IFNG-AS1: variants seen among roughly 807,000 people sequenced by gnomAD.
The protein encoded by IFNG-AS1 is IFNG antisense RNA 1 (non-protein coding).
At chr12:68,004,308 C>A (rs1879857474) in intron 2 of IFNG-AS1, among the ~76,000 whole-genome samples, 1 of 152,138 alleles carries the variant, frequency 6.6e-6, no homozygotes, top group Non-Finnish European at 1.5e-5. Flanking sequence ...GATGCATTTA[C>A]TTTTGCATCT....
At chr12:68,014,678 A>G (rs1447106296) in intron 3 of IFNG-AS1, among the ~76,000 whole-genome samples, 1 of 152,100 alleles carries the variant, frequency 6.6e-6, no homozygotes, top group Non-Finnish European at 1.5e-5. Flanking sequence ...TTGGACTTGA[A>G]CTGCGTCTCT....
chr12:68,018,528 C>T (rs1298610120), intron 3 of IFNG-AS1, among the ~76,000 whole-genome samples: 1 of 152,088 alleles, frequency 6.6e-6, no homozygotes, highest in Non-Finnish European at 1.5e-5. Context: ...GGCATAACAC[C>T]TTTCTTATCT....
intron 3 of IFNG-AS1, among the ~76,000 whole-genome samples, chr12:68,012,961 G>A (rs1880067597): frequency 6.6e-6 from 1 of 152,218 alleles, no homozygotes; most frequent in Non-Finnish European, 1.5e-5. Context: ...TGGCAAAAGA[G>A]AGAGGTTAAA....
At chr12:68,014,474 T>C (rs971589111) in intron 3 of IFNG-AS1, among the ~76,000 whole-genome samples, 2 of 152,200 alleles carry the variant, frequency 1.3e-5, no homozygotes, top group Non-Finnish European at 2.9e-5. Context: ...TTTTTTATTA[T>C]TATGGCTATT....
intron 1 of IFNG-AS1, among the ~76,000 whole-genome samples, chr12:67,990,032 A>G (rs892368120): frequency 6.6e-6 from 1 of 152,190 alleles, no homozygotes; most frequent in African/African-American, 2.4e-5. Context: ...ATGAATTCAG[A>G]GAAGTTGTTC....
intron 2 of IFNG-AS1, among the ~76,000 whole-genome samples, chr12:68,002,479 C>A (rs528238598): frequency 1.3e-5 from 2 of 152,190 alleles, no homozygotes; most frequent in Admixed American, 6.5e-5. Context: ...CACGTAAGCC[C>A]CTTACCCTTT....
At chr12:68,013,642 T>A (rs934406051) in intron 3 of IFNG-AS1, 5 of 151,896 alleles carry the variant, frequency 3.3e-5, no homozygotes, top group African/African-American at 1.2e-4. Context: ...TGTAAAGGAG[T>A]TTTTGGGTAA....
chr12:68,019,829 A>G (rs1017354182), intron 3 of IFNG-AS1: 1 of 152,198 alleles, frequency 6.6e-6, no homozygotes, highest in African/African-American at 2.4e-5. Context: ...CACTATCTCA[A>G]TATTTCTAAA....
chr12:68,003,662 C>A (rs1879834564), intron 2 of IFNG-AS1, among the ~76,000 whole-genome samples: 1 of 152,164 alleles, frequency 6.6e-6, no homozygotes, highest in Admixed American at 6.5e-5. Flanking sequence ...CGCCTGTAAT[C>A]CCAGCACTTT....
intron 3 of IFNG-AS1, among the ~76,000 whole-genome samples, chr12:68,014,645 C>T (rs891753068): frequency 1.3e-5 from 2 of 152,116 alleles, no homozygotes; most frequent in Non-Finnish European, 2.9e-5. Flanking sequence ...ATTAGCTCTT[C>T]CTGGTTTGCC....
At chr12:67,989,855 C>T (rs1326519614) in intron 1 of IFNG-AS1, among the ~76,000 whole-genome samples, 1 of 152,140 alleles carries the variant, frequency 6.6e-6, no homozygotes, top group Non-Finnish European at 1.5e-5. Flanking sequence ...ACAAACCCTT[C>T]CTGAGATCTC....
intron 2 of IFNG-AS1, among the ~76,000 whole-genome samples, chr12:67,997,089 A>G (rs1359893034): frequency 2.6e-5 from 4 of 152,166 alleles, no homozygotes; most frequent in Non-Finnish European, 5.9e-5. Context: ...TTATAATAAC[A>G]ACAAAGAACA....
intron 3 of IFNG-AS1, among the ~76,000 whole-genome samples, chr12:68,014,566 A>G (rs1039092853): frequency 6.6e-6 from 1 of 152,026 alleles, no homozygotes; most frequent in Admixed American, 6.6e-5. Flanking sequence ...ATTTTTTCAT[A>G]TGTTTGTTGG....
intron 3 of IFNG-AS1, among the ~76,000 whole-genome samples, chr12:68,008,598 C>G (rs1300187848): frequency 1.3e-5 from 2 of 152,002 alleles, no homozygotes; most frequent in Admixed American, 1.3e-4. Context: ...ATTTCTTGTT[C>G]GTAGGATGGC....
At chr12:68,011,152 G>A (rs971435911) in intron 3 of IFNG-AS1, among the ~76,000 whole-genome samples, 8 of 152,126 alleles carry the variant, frequency 5.3e-5, no homozygotes, top group African/African-American at 1.9e-4. Flanking sequence ...GTAACAACAG[G>A]AAACTGTACG....
chr12:68,011,521 A>G (rs1592827715), intron 3 of IFNG-AS1, among the ~76,000 whole-genome samples: 1 of 152,260 alleles, frequency 6.6e-6, no homozygotes, highest in African/African-American at 2.4e-5. Flanking sequence ...ATGAATAGAA[A>G]GAAGGACCAT....
chr12:67,991,411 G>A (rs1360600404), intron 1 of IFNG-AS1, among the ~76,000 whole-genome samples: 2 of 152,250 alleles, frequency 1.3e-5, no homozygotes, highest in East Asian at 1.9e-4. Flanking sequence ...AACCTAAGAA[G>A]GTAGAGATGA....
chr12:68,009,383 C>T (rs768205871), intron 3 of IFNG-AS1, among the ~76,000 whole-genome samples: 4 of 152,134 alleles, frequency 2.6e-5, no homozygotes, highest in Non-Finnish European at 5.9e-5. Context: ...CGCTCTGTTG[C>T]CCAGGCTGGA....
chr12:68,008,241 C>T (rs192284478), intron 3 of IFNG-AS1, among the ~76,000 whole-genome samples: 44 of 152,042 alleles, frequency 2.9e-4, no homozygotes, highest in Admixed American at 2.9e-3. Flanking sequence ...ACGGTGAAAC[C>T]CCATCTCCAC....
Sources: allele counts gnomAD v4.1 joint callset (sites outside exome capture counted in the v4.1 genomes callset), GRCh38; gene constraint gnomAD v4.1.1; transcripts MANE v1.5; gene names NCBI Gene and HGNC (gene_info 2026-07-23, HGNC 2026-07-21).